Variants in SLC25A21 observed in about 807,000 individuals in gnomAD.
The protein encoded by SLC25A21 is solute carrier family 25 member 21, also known as mitochondrial 2-oxodicarboxylate carrier.
A neutral mutation model predicts 43.8 loss-of-function variants in SLC25A21; 47 were observed. The observed-to-expected ratio is 1.07, with a 90% CI of 0.85 to 1.37. The LOEUF (loss-of-function observed/expected upper bound fraction) is 1.37. Among genes scored for constraint, SLC25A21 ranks in the 40% most tolerant of loss-of-function variants. The probability of loss-of-function intolerance (pLI) is 0.00; values close to 1 mark genes in which losing one functional copy is unlikely to be tolerated. For missense variants in SLC25A21, 352 were observed against 350.2 expected (o/e 1.00, Z -0.04); for synonymous variants, 131 against 121.3 (o/e 1.08, Z -0.52).
chr14:37,147,257 T>C (rs1383455740), intron 1 of SLC25A21, among the ~76,000 whole-genome samples: 3 of 152,240 alleles, frequency 2.0e-5, no homozygotes, highest in African/African-American at 7.2e-5. Context: ...ACATTTCACA[T>C]AGTAATTCTT....
rs147904733 is a variant in SLC25A21, at chr14:36,913,056, G to C, written c.71-38052C>G. On this transcript the variant is annotated intron_variant, in intron 1 of 9. Coordinates refer to ENST00000331299, the MANE Select transcript of SLC25A21 (RefSeq NM_030631.4). ...GCTGAGAGAATTTTTTCTTTTGAAA[G>C]ACAACAGCAGAAAACTAAGTTTTCA... 1.6e-3 allele frequency among the ~76,000 whole-genome samples: 238 copies of C among 152,072 alleles called. 1 individual carries two copies. Among genetic ancestry groups the C allele is most frequent in the Middle Eastern group, 0.01 (3 of 294 alleles).
chr14:36,821,677 C>T (rs1433687783), intron 2 of SLC25A21, among the ~76,000 whole-genome samples: 1 of 151,884 alleles, frequency 6.6e-6, no homozygotes, highest in South Asian at 2.1e-4. Context: ...ATTAGCCGGG[C>T]GTGGTGGCAG....
chr14:36,997,478 T>G (rs988055240), intron 1 of SLC25A21, among the ~76,000 whole-genome samples: 2 of 152,164 alleles, frequency 1.3e-5, no homozygotes, highest in Non-Finnish European at 2.9e-5. Context: ...TTCAGAAATA[T>G]GCATGAGATG....
intron 5 of SLC25A21, among the ~76,000 whole-genome samples, chr14:36,727,715 G>A (rs1313343819): frequency 2.0e-5 from 3 of 151,800 alleles, no homozygotes; most frequent in Non-Finnish European, 2.9e-5. Context: ...AAATGAAAAA[G>A]AAAGAAAGAA....
chr14:36,912,188 C>A (rs1250224967), intron 1 of SLC25A21, among the ~76,000 whole-genome samples: 1 of 152,164 alleles, frequency 6.6e-6, no homozygotes, highest in Non-Finnish European at 1.5e-5. Flanking sequence ...GAATTTATGG[C>A]AATGATGTTC....
chr14:36,970,096 G>A (rs1439918317), intron 1 of SLC25A21, among the ~76,000 whole-genome samples: 8 of 151,752 alleles, frequency 5.3e-5, no homozygotes, highest in African/African-American at 1.9e-4. Context: ...GAAAGTCTCA[G>A]AAGAAAAAAA....
At chr14:37,014,750 A>G (rs945824026) in intron 1 of SLC25A21, among the ~76,000 whole-genome samples, 2 of 152,178 alleles carry the variant, frequency 1.3e-5, no homozygotes, top group Non-Finnish European at 2.9e-5. Context: ...TAATTCTTTA[A>G]TAACAAGACT....
chr14:36,766,939 G>A (rs1421135363), intron 3 of SLC25A21, among the ~76,000 whole-genome samples: 2 of 152,146 alleles, frequency 1.3e-5, no homozygotes, highest in African/African-American at 4.8e-5. Flanking sequence ...AGCCTCTACT[G>A]CGGTCAATAT....
At chr14:37,157,871 C>T (rs552415899) in intron 1 of SLC25A21, among the ~76,000 whole-genome samples, 1 of 152,050 alleles carries the variant, frequency 6.6e-6, no homozygotes, top group African/African-American at 2.4e-5. Context: ...GAGAGAAGAT[C>T]CAAATATACA....
intron 1 of SLC25A21, among the ~76,000 whole-genome samples, chr14:36,907,714 G>A (rs1233541435): frequency 2.0e-5 from 3 of 152,114 alleles, no homozygotes; most frequent in Non-Finnish European, 4.4e-5. Context: ...CAGACTGGAT[G>A]ATATTACCTT....
At chr14:37,021,825 G>A (rs1960992589) in intron 1 of SLC25A21, among the ~76,000 whole-genome samples, 1 of 151,834 alleles carries the variant, frequency 6.6e-6, no homozygotes, top group South Asian at 2.1e-4. Flanking sequence ...AGAAATAGCA[G>A]GGATTGAAAA....
chr14:37,070,098 G>A (rs755829713), intron 1 of SLC25A21, among the ~76,000 whole-genome samples: 2 of 152,090 alleles, frequency 1.3e-5, no homozygotes, highest in Admixed American at 6.6e-5. Context: ...GTAATTTAAC[G>A]AATCCAGGAT....
intron 7 of SLC25A21, among the ~76,000 whole-genome samples, chr14:36,699,285 C>G (rs1450575132): frequency 6.6e-6 from 1 of 152,156 alleles, no homozygotes; most frequent in African/African-American, 2.4e-5. Context: ...TATTGCAGAA[C>G]AGCAAATATT....
chr14:36,890,610 A>G (rs967811444), intron 1 of SLC25A21, among the ~76,000 whole-genome samples: 2 of 152,220 alleles, frequency 1.3e-5, no homozygotes, highest in Admixed American at 6.6e-5. Context: ...TTTTCACTGT[A>G]TCCTCAATGT....
At chr14:37,158,254 C>G (rs1963883782) in intron 1 of SLC25A21, among the ~76,000 whole-genome samples, 1 of 152,038 alleles carries the variant, frequency 6.6e-6, no homozygotes, top group Non-Finnish European at 1.5e-5. Context: ...ACCCTGATAC[C>G]AAAACCAGAA....
intron 3 of SLC25A21, 41 bp downstream of exon 3, chr14:36,813,877 G>A (rs758499754): frequency 2.9e-6 from 4 of 1,360,728 alleles, no homozygotes; most frequent in East Asian, 4.7e-5. Flanking sequence ...AACATGTTAA[G>A]TAGAAACATA....
chr14:36,865,797 T>G lies in SLC25A21; in HGVS notation c.119+9159A>C, dbSNP rs567484494. Among the ~76,000 whole-genome samples, 6 of 152,228 alleles carry G rather than the reference T, an allele frequency of 3.9e-5. No individual in the cohort carries two copies. The East Asian group carries it at 1.2e-3, about 29-fold the overall frequency. On this transcript the variant is annotated intron_variant, in intron 2 of 9. Transcript: ENST00000331299. The stretch of plus-strand genomic sequence containing the variant: ...AAGTCTGGGGTTTGGGAGCCACCAA[T>G]AGAGAGTGTAAATCAATCTCCACAG...
chr14:37,039,184 T>A (rs1386686924), intron 1 of SLC25A21, among the ~76,000 whole-genome samples: 2 of 152,202 alleles, frequency 1.3e-5, no homozygotes, highest in African/African-American at 4.8e-5. Flanking sequence ...TTTCGCCTAA[T>A]CATTGACAGT....
chr14:37,097,006 T>C (rs1272026181), intron 1 of SLC25A21: 1 of 151,602 alleles, frequency 6.6e-6, no homozygotes, highest in African/African-American at 2.4e-5. Flanking sequence ...GTACCTGTCA[T>C]TCAAAGGGCT....
Sources: allele counts gnomAD v4.1 joint callset (sites outside exome capture counted in the v4.1 genomes callset), GRCh38; gene constraint gnomAD v4.1.1; transcripts MANE v1.5; gene names NCBI Gene and HGNC (gene_info 2026-07-23, HGNC 2026-07-21).